COG5: variants seen among roughly 807,000 people sequenced by gnomAD.
COG5 encodes conserved oligomeric Golgi complex subunit 5.
In COG5, 86 loss-of-function variants were observed where a neutral mutation model predicts 110.4. That is an observed-to-expected ratio of 0.78 (90% confidence interval 0.65 to 0.93). The LOEUF (loss-of-function observed/expected upper bound fraction) is 0.93. Ranked by LOEUF, COG5 falls within the 40% of genes least tolerant of loss-of-function variation. COG5 has a pLI of 0.00. For missense variants in COG5, 1,077 were observed against 987.0 expected, an observed-to-expected ratio of 1.09 and a Z score of -1.22; for synonymous variants, 360 against 334.6, an observed-to-expected ratio of 1.08 and a Z score of -0.83.
intron 2 of COG5, among the ~76,000 whole-genome samples, chr7:107,555,958 G>A (rs1259481239): frequency 6.6e-6 from 1 of 151,264 alleles, no homozygotes; most frequent in Non-Finnish European, 1.5e-5. Context: ...AGGTTGCAGT[G>A]AGCAAGATCG....
chr7:107,416,546 G>C (rs939575223), intron 6 of COG5, among the ~76,000 whole-genome samples: 2 of 152,092 alleles, frequency 1.3e-5, no homozygotes, highest in Non-Finnish European at 2.9e-5. Context: ...AATTTAGTGG[G>C]CAGTATTATA....
At chr7:107,384,812 T>C (rs1281451969) in intron 7 of COG5, among the ~76,000 whole-genome samples, 1 of 152,204 alleles carries the variant, frequency 6.6e-6, no homozygotes, top group Non-Finnish European at 1.5e-5. Flanking sequence ...GCTGGATCTT[T>C]GTTTTAGACT....
intron 19 of COG5, among the ~76,000 whole-genome samples, chr7:107,217,051 C>A (rs1317623104): frequency 1.3e-5 from 2 of 151,980 alleles, no homozygotes; most frequent in African/African-American, 2.4e-5. Context: ...ACAACTGGTA[C>A]CACTGAAATA....
At chr7:107,537,110 C>A (rs1801638779) in intron 5 of COG5, among the ~76,000 whole-genome samples, 2 of 152,102 alleles carry the variant, frequency 1.3e-5, no homozygotes, top group Admixed American at 6.6e-5. Flanking sequence ...TCCTTATACA[C>A]TTTACACTGT....
intron 6 of COG5, among the ~76,000 whole-genome samples, chr7:107,493,652 A>G (rs1374479771): frequency 1.3e-5 from 2 of 152,198 alleles, no homozygotes; most frequent in East Asian, 3.8e-4. Context: ...TGGAAGACAC[A>G]GGCTTAGATG....
At chr7:107,531,766 T>C (rs1442054850) in intron 5 of COG5, among the ~76,000 whole-genome samples, 1 of 151,662 alleles carries the variant, frequency 6.6e-6, no homozygotes, top group Non-Finnish European at 1.5e-5. Context: ...GCTCAAAGTG[T>C]TCCATTTCGG....
chr7:107,230,858 T>G (rs1337749646), intron 18 of COG5, among the ~76,000 whole-genome samples, 167 bp from the exon 19 acceptor site: 1 of 152,144 alleles, frequency 6.6e-6, no homozygotes, highest in Non-Finnish European at 1.5e-5. Context: ...AGCACTTACA[T>G]AATTTTTGCA....
At chr7:107,442,643 TA>T (rs35184301) in intron 6 of COG5, among the ~76,000 whole-genome samples, 58,628 of 129,372 alleles carry the variant, frequency 0.45, 12,216 homozygotes, top group African/African-American at 0.5. Context: ...CAATTTCACC[TA>T]AAAAAAAAAA....
intron 6 of COG5, among the ~76,000 whole-genome samples, chr7:107,436,317 T>C (rs1794364927): frequency 6.6e-6 from 1 of 152,202 alleles, no homozygotes; most frequent in Non-Finnish European, 1.5e-5. Context: ...TAGATGAAAC[T>C]TGAAGACATT....
intron 11 of COG5, among the ~76,000 whole-genome samples, chr7:107,305,572 G>C (rs775969098): frequency 6.6e-6 from 1 of 152,046 alleles, no homozygotes; most frequent in Non-Finnish European, 1.5e-5. Context: ...ATCCTGGCAT[G>C]GCTTAGTTTG....
chr7:107,549,537 G>A (rs1009476833), intron 3 of COG5, among the ~76,000 whole-genome samples: 6 of 149,578 alleles, frequency 4.0e-5, no homozygotes, highest in Non-Finnish European at 7.4e-5. Context: ...GATTACAGGC[G>A]CCCACCACCA....
At chr7:107,525,981 C>T (rs1447680145) in intron 6 of COG5, among the ~76,000 whole-genome samples, 5 of 152,136 alleles carry the variant, frequency 3.3e-5, no homozygotes. Flanking sequence ...TATATTTCAG[C>T]AGTATACAAT....
intron 12 of COG5, among the ~76,000 whole-genome samples, chr7:107,292,545 A>G (rs1562954121): frequency 1.3e-5 from 2 of 152,224 alleles, no homozygotes; most frequent in Admixed American, 1.3e-4. Flanking sequence ...GTTGAGATAT[A>G]ACAAAAGCCT....
intron 10 of COG5, among the ~76,000 whole-genome samples, chr7:107,359,714 C>T (rs187175501): frequency 1.1e-3 from 165 of 152,324 alleles, no homozygotes; most frequent in African/African-American, 3.8e-3. Flanking sequence ...TGCCTGTGGA[C>T]AGGAGCTACC....
chr7:107,205,597 C>T (rs1342411842), intron 21 of COG5, among the ~76,000 whole-genome samples: 1 of 152,224 alleles, frequency 6.6e-6, no homozygotes, highest in East Asian at 1.9e-4. Flanking sequence ...TTTGGCCATA[C>T]TGAATGTTTC....
chr7:107,561,959 G>A (rs549173061), intron 1 of COG5, among the ~76,000 whole-genome samples: 1 of 151,988 alleles, frequency 6.6e-6, no homozygotes, highest in South Asian at 2.1e-4. Flanking sequence ...CTGGGCAACA[G>A]CGCGAGACTC....
At chr7:107,408,733 A>G (rs190758130) in intron 7 of COG5, among the ~76,000 whole-genome samples, 9 of 152,258 alleles carry the variant, frequency 5.9e-5, no homozygotes, top group Admixed American at 3.9e-4. Flanking sequence ...AGAACAGGGG[A>G]CATCTATTTT....
intron 8 of COG5, among the ~76,000 whole-genome samples, chr7:107,368,513 AG>A (rs1180892530): frequency 5.3e-5 from 8 of 152,192 alleles, no homozygotes; most frequent in Admixed American, 5.2e-4. Context: ...GGTTTAGCCT[AG>A]GAAGTGTTCA....
chr7:107,242,895 T>G (rs1801753586), intron 17 of COG5, among the ~76,000 whole-genome samples: 1 of 152,136 alleles, frequency 6.6e-6, no homozygotes, highest in Non-Finnish European at 1.5e-5. Context: ...CAGCCACTAC[T>G]AAGATCCCCT....
Sources: allele counts gnomAD v4.1 joint callset (sites outside exome capture counted in the v4.1 genomes callset), GRCh38; gene constraint gnomAD v4.1.1; transcripts MANE v1.5; gene names NCBI Gene and HGNC (gene_info 2026-07-23, HGNC 2026-07-21).